Variants in MYEF2 observed in about 807,000 individuals in gnomAD.
The protein encoded by MYEF2 is myelin expression factor 2, also known as myelin gene expression factor 2.
A neutral mutation model predicts 75.2 loss-of-function variants in MYEF2; 37 were observed. The ratio of observed to expected loss-of-function variants is 0.49; its 90% CI spans 0.38 to 0.65. The LOEUF (loss-of-function observed/expected upper bound fraction) is 0.65. MYEF2 is among the 30% of genes least tolerant of loss of function. The pLI, the probability that MYEF2 is intolerant of heterozygous loss-of-function variation, is 0.00. For synonymous variants in MYEF2, 195 were observed against 241.6 expected (o/e 0.81, Z 1.79); for missense variants, 634 against 771.4 (o/e 0.82, Z 2.11).
At position 48,135,372 on chromosome 15, in the gene MYEF2, AAGGATGGTAG is replaced by A. The variant is rs1457689003; in HGVS notation, c.*7526_*7535del. On this transcript the variant is annotated 3_prime_UTR_variant, in exon 17 of 17. Transcript: ENST00000324324. ...TGTTCATGGCCACAAAAGACTGGAG[AAGGATGGTAG>A]AGGAAGTAAAAGAAGTCTTTTTAAA... 5 of 157,568 alleles carry A rather than the reference AAGGATGGTAG, an allele frequency of 3.2e-5. No homozygotes were observed. The highest frequency in any genetic ancestry group is 7.2e-5 in the African/African-American group (3 of 41,602). 9.8% of individuals were successfully genotyped at this position (157,568 alleles called of 1,614,324 possible).
Position 48,159,606 on chromosome 15 carries a change from A to C in MYEF2, c.717+7T>G. ...ATGACAAATTTTAGACTAAAGCTTGAACTTACATTGGCAACAAAAATTGTG... is the reference window on the plus strand; with the variant it reads ...ATGACAAATTTTAGACTAAAGCTTGCACTTACATTGGCAACAAAAATTGTG... On this transcript the variant is annotated splice_region_variant and intron_variant, in intron 6 of 16. Coordinates refer to ENST00000324324, the MANE Select transcript of MYEF2 (RefSeq NM_016132.5). The C allele has an allele frequency of 6.2e-7, 1 of 1,608,662 alleles. No individual in the cohort carries two copies. Among genetic ancestry groups the C allele is most frequent in the South Asian group, 1.1e-5 (1 of 89,712 alleles).
In MYEF2 at chr15:48,138,120, C is replaced by A. The variant is rs2038947433; in HGVS notation, c.*4788G>T. The A allele has an allele frequency of 1.3e-5, 2 of 152,090 alleles. No individual in the cohort carries two copies. Among genetic ancestry groups the A allele is most frequent in the East Asian group, 1.9e-4 (1 of 5,184 alleles). 9.4% of individuals were successfully genotyped at this position (152,090 alleles called of 1,614,324 possible). On this transcript the variant is annotated 3_prime_UTR_variant, in exon 17 of 17. Coordinates refer to ENST00000324324, the MANE Select transcript of MYEF2 (RefSeq NM_016132.5). Reference sequence around the variant, plus strand: ...AAACGCAAAAGAACCAATCCAAATTCTTTGATTATGTTAAAATTATATCTA... The same window carrying A: ...AAACGCAAAAGAACCAATCCAAATTATTTGATTATGTTAAAATTATATCTA...
In MYEF2 at chr15:48,158,163, A is replaced by G; in HGVS notation, c.921+12T>C. 6.2e-7 allele frequency: 1 copy of G among 1,612,984 alleles called. No homozygotes were observed. The highest frequency in any genetic ancestry group is 8.5e-7 in the Non-Finnish European group (1 of 1,179,304). ...AAGAGGTTGGAGGTTGAAGTGATAT[A>G]CAGGAACTCACCATTTTCACATGCA... On this transcript the variant is annotated intron_variant, in intron 8 of 16. Transcript: ENST00000324324.
At position 48,134,977 on chromosome 15, in the gene MYEF2, G is replaced by T; in HGVS notation, c.*7931C>A. 6.2e-7 allele frequency: 1 copy of T among 1,602,834 alleles called. No individual in the cohort carries two copies. The highest frequency in any genetic ancestry group is 8.5e-7 in the Non-Finnish European group (1 of 1,171,172). ...TCTTGGTATAATATATGACAACCAAGTTTACTGGTAAGCTTGAAAATAATT... is the reference window on the plus strand; with the variant it reads ...TCTTGGTATAATATATGACAACCAATTTTACTGGTAAGCTTGAAAATAATT... On this transcript the variant is annotated 3_prime_UTR_variant, in exon 17 of 17. Coordinates refer to ENST00000324324, the MANE Select transcript of MYEF2 (RefSeq NM_016132.5).
chr15:48,143,791 T>C (rs1001344918), intron 16 of MYEF2, among the ~76,000 whole-genome samples: 1 of 152,150 alleles, frequency 6.6e-6, no homozygotes, highest in East Asian at 1.9e-4. Context: ...TATGCAGTTA[T>C]AATATCATTG....
chr15:48,152,546 T>C, intron 10 of MYEF2: 1 of 392,762 alleles, frequency 2.5e-6, no homozygotes, highest in Non-Finnish European at 4.5e-6. Context: ...AGTTAGAGAA[T>C]ATCTTGAACT....
At chr15:48,147,025 TG>T (rs2039309914) in intron 16 of MYEF2, among the ~76,000 whole-genome samples, 1 of 151,636 alleles carries the variant, frequency 6.6e-6, no homozygotes, top group Admixed American at 6.6e-5. Flanking sequence ...ACAAAAGAAT[TG>T]ATAAAACAAA....
intron 5 of MYEF2, among the ~76,000 whole-genome samples, chr15:48,162,370 G>A (rs1000041790): frequency 2.0e-5 from 3 of 152,160 alleles, no homozygotes; most frequent in African/African-American, 4.8e-5. Context: ...TTAACTCTTC[G>A]AGTCCTGATA....
Position 48,141,075 on chromosome 15 carries a change from C to T in MYEF2, c.*1833G>A. ...TAACTGCAAAGGATGGTTAGTGAAT[C>T]TTTAAGATTTGTAACTTGAAATATC... On this transcript the variant is annotated 3_prime_UTR_variant, in exon 17 of 17. Transcript: ENST00000324324. 6.6e-7 allele frequency: 1 copy of T among 1,520,650 alleles called. No individual in the cohort carries two copies. Among genetic ancestry groups the T allele is most frequent in the Non-Finnish European group, 9.1e-7 (1 of 1,100,546 alleles). 94.2% of individuals were successfully genotyped at this position (1,520,650 alleles called of 1,614,324 possible). A position where few individuals can be genotyped will look rare whatever the true frequency, so the allele number is the denominator to read the frequency against.
At chr15:48,168,038 A>C (rs898742433) in intron 2 of MYEF2, among the ~76,000 whole-genome samples, 1 of 152,088 alleles carries the variant, frequency 6.6e-6, no homozygotes, top group Non-Finnish European at 1.5e-5. Flanking sequence ...AACAAAACTA[A>C]CTTTTACAAG....
intron 14 of MYEF2, among the ~76,000 whole-genome samples, chr15:48,150,488 TA>T (rs1188393899): frequency 6.6e-6 from 1 of 151,770 alleles, no homozygotes; most frequent in African/African-American, 2.4e-5. Context: ...CAAAAGAGGT[TA>T]AAAAAATAAA....
chr15:48,149,229 C>T lies in MYEF2; in HGVS notation c.1521G>A (p.Ser507=), dbSNP rs747275125. ...CTCTCATTCCGCTTCCCATTGGACC[C>T]GATAAAAATCCTCGATCCATATCGA... ...RSIDMDRGFL[S]GPMGSGMRER... The change falls in exon 15 of 17, where the codon TCG becomes TCA. Residue 507 remains serine (S), a synonymous_variant. Coordinates refer to ENST00000324324, the MANE Select transcript of MYEF2 (RefSeq NM_016132.5). This position sits in a 1 kb window ranked among gnomAD's most constrained non-coding sequence, Gnocchi z 4.0. 15 of 1,613,260 alleles carry T rather than the reference C, an allele frequency of 9.3e-6. No homozygotes were observed. The highest frequency in any genetic ancestry group is 3.3e-5 in the Admixed American group (2 of 59,914).
rs2038906530 is a variant in MYEF2, at chr15:48,136,624, C to T, written c.*6284G>A. ...TCATTCAATAGATACTGCCCAAAAG[C>T]TATCAACTCTAAAATGACTTTCACT... On this transcript the variant is annotated 3_prime_UTR_variant, in exon 17 of 17. Transcript: ENST00000324324. 4.8e-6 allele frequency: 7 copies of T among 1,459,196 alleles called. No homozygotes were observed. The highest frequency in any genetic ancestry group is 2.8e-5 in the African/African-American group (2 of 70,876). 90.4% of individuals were successfully genotyped at this position (1,459,196 alleles called of 1,614,324 possible).
Position 48,149,074 on chromosome 15 carries a change from C to A in MYEF2, c.1597G>T (p.Asp533Tyr). Reference protein sequence around the residue: ...NQIFVRNLPFDLTWQKLKEKF... With the variant: ...NQIFVRNLPFYLTWQKLKEKF... ...TCTTTTAGTTTCTGCCAAGTCAAGT[C>A]AAAAGGTAGCTAGAATGAAAAGAGG... is the stretch of plus-strand genomic sequence containing the variant. The change falls in exon 16 of 17, where the codon GAC (aspartate) becomes TAC (tyrosine). Residue 533 changes from aspartate (D) to tyrosine (Y), a missense_variant. By Grantham distance (160) the Asp-to-Tyr change is radical. Transcript: ENST00000324324. The surrounding 1 kb of genome is among the most constrained non-coding windows in gnomAD (Gnocchi z 4.0). 2 of 1,612,962 alleles carry A rather than the reference C, an allele frequency of 1.2e-6. No homozygotes were observed. The highest frequency in any genetic ancestry group is 1.1e-5 in the South Asian group (1 of 90,992).
intron 9 of MYEF2, among the ~76,000 whole-genome samples, chr15:48,156,062 G>A (rs931492992): frequency 6.6e-6 from 1 of 152,078 alleles, no homozygotes; most frequent in African/African-American, 2.4e-5. Context: ...ACAGGTGTTA[G>A]CCACCATGCC....
rs1437117960 is a variant in MYEF2 at position 48,158,940 on chromosome 15, TAA to T, written c.718-20_718-19del. 6.2e-7 allele frequency: 1 copy of T among 1,607,132 alleles called. No individual in the cohort carries two copies. Among genetic ancestry groups the T allele is most frequent in the Admixed American group, 1.7e-5 (1 of 59,756 alleles). ...AAGTCAAGCTTAATATAAAATTGTA[TAA>T]AGTTACATACCTAATAAATCCATCT... On this transcript the variant is annotated intron_variant, in intron 6 of 16. Transcript: ENST00000324324.
Position 48,178,119 on chromosome 15 carries a change from T to C in MYEF2, c.119A>G (p.Lys40Arg), listed in dbSNP as rs1384962445. The change falls in exon 1 of 17, where the codon AAG (lysine) becomes AGG (arginine). Residue 40 changes from lysine (K) to arginine (R), a missense_variant. Lys to Arg is a conservative substitution (Grantham distance 26). Coordinates refer to ENST00000324324, the MANE Select transcript of MYEF2 (RefSeq NM_016132.5). The stretch of plus-strand genomic sequence containing the variant: ...GCTGCTGCTGTGCTGCGGCTGCTGC[T>C]TCTCCGCCTCCGCGGGGTGCGGCTC... Reference protein sequence around the residue: ...RREPHPAEAEKQQPQHSSSSN... With the variant: ...RREPHPAEAERQQPQHSSSSN... 1.9e-6 allele frequency: 3 copies of C among 1,594,658 alleles called. No individual in the cohort carries two copies. Among genetic ancestry groups the C allele is most frequent in the African/African-American group, 1.4e-5 (1 of 73,272 alleles).
chr15:48,163,796 T>C (rs1048768220), intron 5 of MYEF2, among the ~76,000 whole-genome samples: 1 of 152,176 alleles, frequency 6.6e-6, no homozygotes, highest in African/African-American at 2.4e-5. Flanking sequence ...ATCTACTCTG[T>C]CTGTGCTCTG....
chr15:48,159,578 T>C, intron 6 of MYEF2, 35 bp downstream of exon 6: 1 of 1,582,168 alleles, frequency 6.3e-7, no homozygotes. Context: ...GCTATCTATC[T>C]GAATGACAAA....
Sources: gnomAD v4.1 joint callset for allele counts (sites outside exome capture counted in the v4.1 genomes callset) on GRCh38, gnomAD v4.1.1 for gene constraint, Gnocchi (gnomAD v3.1) non-coding constraint, MANE v1.5 for transcripts, NCBI Gene and HGNC (gene_info 2026-07-23, HGNC 2026-07-21) for gene names.